The following AOAH variants were observed in gnomAD, a reference collection of about 807,000 sequenced individuals.
AOAH encodes acyloxyacyl hydrolase (neutrophil).
A neutral mutation model predicts 92.2 loss-of-function variants in AOAH; 64 were observed. That is an observed-to-expected ratio of 0.69 (90% CI 0.57 to 0.86). The LOEUF is 0.86. Ranked by LOEUF, AOAH falls within the 40% of genes least tolerant of loss-of-function variation. The pLI, the probability that AOAH is intolerant of heterozygous loss-of-function variation, is 0.00. For missense variants in AOAH, 656 were observed against 694.6 expected, an observed-to-expected ratio of 0.94 and a Z score of 0.62; for synonymous variants, 263 against 254.5, an observed-to-expected ratio of 1.03 and a Z score of -0.32.
chr7:36,557,552 T>C (rs1182016609), intron 13 of AOAH, among the ~76,000 whole-genome samples: 15 of 152,372 alleles, frequency 9.8e-5, no homozygotes, highest in African/African-American at 3.6e-4. Context: ...ATTGGGGAAG[T>C]TCTCCTGGAT....
rs563597090 is a variant in AOAH at position 36,708,835 on chromosome 7, C to T, written c.127+15187G>A. 3.3e-5 allele frequency among the ~76,000 whole-genome samples: 5 copies of T among 152,250 alleles called. No individual in the cohort carries two copies. In the East Asian group the frequency reaches 7.7e-4, roughly 23 times the overall value. ...CTGTGTCTACATAGCTTAGAGTCATCGAGCAACTTTTGCTGAAACACTTCA... is the reference window on the plus strand; with the variant it reads ...CTGTGTCTACATAGCTTAGAGTCATTGAGCAACTTTTGCTGAAACACTTCA... On this transcript the variant is annotated intron_variant, in intron 1 of 20. Coordinates refer to ENST00000617537, the MANE Select transcript of AOAH (RefSeq NM_001637.4).
intron 16 of AOAH, among the ~76,000 whole-genome samples, chr7:36,537,790 T>C (rs561109529): frequency 1.3e-5 from 2 of 152,152 alleles, no homozygotes; most frequent in Admixed American, 1.3e-4. Context: ...CCCAAAGTGC[T>C]GAGATTACAG....
At chr7:36,592,864 A>G (rs1789841536) in intron 12 of AOAH, among the ~76,000 whole-genome samples, 1 of 152,252 alleles carries the variant, frequency 6.6e-6, no homozygotes, top group African/African-American at 2.4e-5. Flanking sequence ...AATGACAAGG[A>G]CTAGCCTTTT....
At chr7:36,684,671 C>A (rs970986250) in intron 2 of AOAH, among the ~76,000 whole-genome samples, 1 of 151,794 alleles carries the variant, frequency 6.6e-6, no homozygotes, top group Non-Finnish European at 1.5e-5. Context: ...GTCATCTCAG[C>A]GCTTTGGGAG....
intron 13 of AOAH, among the ~76,000 whole-genome samples, chr7:36,559,099 T>C (rs940301041): frequency 1.3e-5 from 2 of 152,266 alleles, no homozygotes; most frequent in African/African-American, 4.8e-5. Flanking sequence ...ACCAGAGCTG[T>C]TCCTATTCAG....
intron 2 of AOAH, among the ~76,000 whole-genome samples, chr7:36,685,085 C>T (rs12333458): frequency 2.0e-4 from 30 of 152,028 alleles, no homozygotes; most frequent in African/African-American, 7.2e-4. Flanking sequence ...TCTGATCAAG[C>T]TGCCAATTTT....
chr7:36,566,777 G>A (rs1402530207), intron 13 of AOAH, among the ~76,000 whole-genome samples: 2 of 152,176 alleles, frequency 1.3e-5, no homozygotes, highest in Non-Finnish European at 2.9e-5. Context: ...GACTAGTAAG[G>A]GAAAAATGCC....
At chr7:36,629,401 G>A (rs1029550169) in intron 6 of AOAH, among the ~76,000 whole-genome samples, 15 of 152,112 alleles carry the variant, frequency 9.9e-5, no homozygotes, top group Admixed American at 7.2e-4. Context: ...ATACAATAAT[G>A]CATTCAACAG....
chr7:36,659,208 C>T lies in AOAH; in HGVS notation c.348G>A (p.Gln116=). ...VVCHTLEFCK[Q]NTGQPLCHLY... is the part of the protein sequence containing the mutation. Reference sequence around the variant, plus strand: ...GATGACACAATGGTTGGCCAGTGTTCTGTTTACAAAACTCCAGAGTGTGAC... The same window carrying T: ...GATGACACAATGGTTGGCCAGTGTTTTGTTTACAAAACTCCAGAGTGTGAC... The change falls in exon 4 of 21, where the codon CAG becomes CAA. Residue 116 remains glutamine (Q), a synonymous_variant. Transcript: ENST00000617537. 6.2e-7 allele frequency: 1 copy of T among 1,614,128 alleles called. No homozygotes were observed. The highest frequency in any genetic ancestry group is 8.5e-7 in the Non-Finnish European group (1 of 1,179,978).
intron 19 of AOAH, 107 bp downstream of exon 19, chr7:36,530,311 T>C (rs1784617824): frequency 5.4e-6 from 4 of 743,816 alleles, no homozygotes; most frequent in Non-Finnish European, 9.4e-6. Context: ...GGAGTAACCC[T>C]GCCGAATCTG....
intron 13 of AOAH, among the ~76,000 whole-genome samples, chr7:36,572,693 A>G (rs1788220991): frequency 6.6e-6 from 1 of 152,216 alleles, no homozygotes; most frequent in South Asian, 2.1e-4. Context: ...CAGCAGCCCC[A>G]TGAAGCTCAG....
intron 9 of AOAH, among the ~76,000 whole-genome samples, chr7:36,620,152 T>C (rs138580049): frequency 4.6e-4 from 70 of 152,352 alleles, no homozygotes; most frequent in African/African-American, 1.5e-3. Context: ...CATTTTCCTA[T>C]TTGATTTTGT....
intron 13 of AOAH, among the ~76,000 whole-genome samples, chr7:36,569,201 C>A (rs994928924): frequency 6.6e-6 from 1 of 152,084 alleles, no homozygotes; most frequent in African/African-American, 2.4e-5. Context: ...AACAAAACAA[C>A]CCCAAAGAGG....
chr7:36,618,049 T>C (rs1219507894), intron 10 of AOAH, among the ~76,000 whole-genome samples: 1 of 152,224 alleles, frequency 6.6e-6, no homozygotes, highest in African/African-American at 2.4e-5. Context: ...AACCTAATCG[T>C]CAAGTAAAAG....
intron 20 of AOAH, among the ~76,000 whole-genome samples, chr7:36,517,172 T>C (rs113469290): frequency 5.1e-5 from 6 of 117,108 alleles, no homozygotes; most frequent in South Asian, 3.2e-4. Flanking sequence ...CTTTCTTTCT[T>C]TCTTTCTTTC....
chr7:36,656,719 G>A (rs1475311271), intron 4 of AOAH, among the ~76,000 whole-genome samples: 2 of 151,210 alleles, frequency 1.3e-5, no homozygotes, highest in African/African-American at 2.4e-5. Flanking sequence ...TTTTTTGTGC[G>A]ACCTTCCCCT....
chr7:36,644,342 T>A (rs1214879244), intron 4 of AOAH, among the ~76,000 whole-genome samples: 1 of 152,042 alleles, frequency 6.6e-6, no homozygotes, highest in Non-Finnish European at 1.5e-5. Flanking sequence ...TTTTTTTTTT[T>A]AAGTTTAAAA....
chr7:36,584,983 T>TA (rs1158484953), intron 12 of AOAH, among the ~76,000 whole-genome samples: 2 of 152,260 alleles, frequency 1.3e-5, no homozygotes, highest in Non-Finnish European at 2.9e-5. Context: ...CTGATTCCCA[T>TA]ACTCAGGATG....
intron 6 of AOAH, among the ~76,000 whole-genome samples, chr7:36,630,642 T>C (rs1793009881): frequency 6.6e-6 from 1 of 152,158 alleles, no homozygotes; most frequent in African/African-American, 2.4e-5. Context: ...CCAAGGAATC[T>C]GGATTTTAAA....
Sources: gnomAD v4.1 joint callset for allele counts (sites outside exome capture counted in the v4.1 genomes callset) on GRCh38, gnomAD v4.1.1 for gene constraint, MANE v1.5 for transcripts, NCBI Gene and HGNC (gene_info 2026-07-23, HGNC 2026-07-21) for gene names.